The following RUNX2 variants were observed in gnomAD, a reference collection of about 807,000 sequenced individuals.
The protein encoded by RUNX2 is runt-related transcription factor 2.
A neutral mutation model predicts 51.7 loss-of-function variants in RUNX2; 10 were observed. The observed-to-expected ratio is 0.19, with a 90% CI of 0.12 to 0.33. RUNX2 has a LOEUF of 0.33. Ranked by LOEUF, RUNX2 falls within the 10% of genes least tolerant of loss-of-function variation. The pLI is 1.00. For synonymous variants in RUNX2, 276 were observed against 273.6 expected (o/e 1.01, Z -0.09); for missense variants, 562 against 691.3 (o/e 0.81, Z 2.10).
At chr6:45,423,116 C>A (rs1464732613) in intron 3 of RUNX2, among the ~76,000 whole-genome samples, 159 bp downstream of exon 3, 1 of 151,852 alleles carries the variant, frequency 6.6e-6, no homozygotes, top group South Asian at 2.1e-4. Context: ...CTCCGGATGC[C>A]CTGGCGGGCT....
intron 5 of RUNX2, among the ~76,000 whole-genome samples, chr6:45,455,143 G>A (rs150592678): frequency 2.2e-4 from 34 of 152,210 alleles, no homozygotes; most frequent in Admixed American, 1.3e-3. Context: ...TAGTCTCACC[G>A]TTCTCCTCCA....
At chr6:45,438,349 C>T (rs1798749066) in intron 5 of RUNX2, among the ~76,000 whole-genome samples, 1 of 152,164 alleles carries the variant, frequency 6.6e-6, no homozygotes, top group South Asian at 2.1e-4. Context: ...ATGTACTGAA[C>T]ATAATGGGGC....
intron 5 of RUNX2, among the ~76,000 whole-genome samples, chr6:45,461,883 C>CT (rs998278620): frequency 4.6e-5 from 7 of 151,662 alleles, no homozygotes; most frequent in African/African-American, 1.7e-4. Flanking sequence ...GTTGCTGCAA[C>CT]TTTTTTTTAA....
intron 7 of RUNX2, among the ~76,000 whole-genome samples, chr6:45,521,344 T>C (rs545723795): frequency 6.6e-6 from 1 of 152,298 alleles, no homozygotes; most frequent in East Asian, 1.9e-4. Flanking sequence ...AAGCAGTATA[T>C]ATTTTTATCT....
chr6:45,399,350 T>TTTCC (rs1797651137), intron 2 of RUNX2, among the ~76,000 whole-genome samples: 1 of 16,678 alleles, frequency 6.0e-5, no homozygotes, highest in African/African-American at 2.0e-4. Flanking sequence ...TTTTCTTTCC[T>TTTCC]TTTTTTTTTT....
chr6:45,406,268 G>A (rs1797832252), intron 2 of RUNX2, among the ~76,000 whole-genome samples: 1 of 152,130 alleles, frequency 6.6e-6, no homozygotes, highest in Non-Finnish European at 1.5e-5. Context: ...CCTCTGTCTG[G>A]ACGACTACAG....
intron 2 of RUNX2, among the ~76,000 whole-genome samples, chr6:45,379,965 A>G (rs2150341834): frequency 6.6e-6 from 1 of 152,318 alleles, no homozygotes; most frequent in South Asian, 2.1e-4. Flanking sequence ...TTAAAAATTT[A>G]TTCTTAGGAA....
chr6:45,400,827 T>C (rs1563069468), intron 2 of RUNX2, among the ~76,000 whole-genome samples: 1 of 152,208 alleles, frequency 6.6e-6, no homozygotes. Context: ...CAACGTAAAT[T>C]GAATATAATA....
At chr6:45,351,195 A>G (rs910173785) in intron 2 of RUNX2, among the ~76,000 whole-genome samples, 1 of 152,106 alleles carries the variant, frequency 6.6e-6, no homozygotes, top group South Asian at 2.1e-4. Context: ...ACTAAGATAC[A>G]TACAAAAAAA....
At chr6:45,362,054 AAAC>A (rs375160471) in intron 2 of RUNX2, among the ~76,000 whole-genome samples, 11 of 152,028 alleles carry the variant, frequency 7.2e-5, no homozygotes, top group Admixed American at 2.0e-4. Context: ...TTCCTCTCAA[AAAC>A]AACAACAACA....
intron 5 of RUNX2, among the ~76,000 whole-genome samples, chr6:45,490,243 CT>C (rs1800422254): frequency 1.3e-5 from 2 of 152,204 alleles, no homozygotes; most frequent in African/African-American, 4.8e-5. Context: ...TATTTGTAAT[CT>C]GGATACAAAA....
At chr6:45,341,201 C>T (rs562434604) in intron 2 of RUNX2, among the ~76,000 whole-genome samples, 49 of 152,210 alleles carry the variant, frequency 3.2e-4, no homozygotes, top group Admixed American at 1.1e-3. Flanking sequence ...AAAAGTGCTC[C>T]GCTTTTTTCT....
At chr6:45,504,029 CT>C (rs907451438) in intron 6 of RUNX2, among the ~76,000 whole-genome samples, 1 of 152,018 alleles carries the variant, frequency 6.6e-6, no homozygotes, top group African/African-American at 2.4e-5. Flanking sequence ...CAGTTTGCTG[CT>C]TTTTTTTCTC....
chr6:45,460,267 G>A (rs1273188817), intron 5 of RUNX2, among the ~76,000 whole-genome samples: 2 of 152,220 alleles, frequency 1.3e-5, no homozygotes, highest in African/African-American at 4.8e-5. Flanking sequence ...CAACCAGTGA[G>A]ATAGGAAGAG....
chr6:45,533,926 G>T (rs938772445), intron 7 of RUNX2, among the ~76,000 whole-genome samples: 6 of 130,124 alleles, frequency 4.6e-5, no homozygotes, highest in African/African-American at 1.8e-4. Flanking sequence ...ACAGAGTCTC[G>T]CTCTGTCATC....
At chr6:45,395,563 G>A (rs1363334056) in intron 2 of RUNX2, among the ~76,000 whole-genome samples, 1 of 152,184 alleles carries the variant, frequency 6.6e-6, no homozygotes, top group Non-Finnish European at 1.5e-5. Context: ...AGGGGAAAAT[G>A]TGTGACAAAA....
chr6:45,424,848 T>C (rs1437001356), intron 3 of RUNX2, among the ~76,000 whole-genome samples: 1 of 152,178 alleles, frequency 6.6e-6, no homozygotes, highest in Non-Finnish European at 1.5e-5. Flanking sequence ...GTCACATTTC[T>C]CCTTTTATAA....
chr6:45,423,757 G>A (rs1477880839), intron 3 of RUNX2, among the ~76,000 whole-genome samples: 5 of 152,198 alleles, frequency 3.3e-5, no homozygotes, highest in South Asian at 2.1e-4. Flanking sequence ...CGGGAGGAAG[G>A]CGGGGCCGCT....
intron 2 of RUNX2, among the ~76,000 whole-genome samples, chr6:45,378,901 T>C (rs1797141968): frequency 1.3e-5 from 2 of 152,204 alleles, no homozygotes; most frequent in African/African-American, 2.4e-5. Flanking sequence ...AAACTGGTTA[T>C]CCATGCTCAC....
Sources: allele counts gnomAD v4.1 joint callset (sites outside exome capture counted in the v4.1 genomes callset), GRCh38; gene constraint gnomAD v4.1.1; transcripts MANE v1.5; gene names NCBI Gene and HGNC (gene_info 2026-07-23, HGNC 2026-07-21).